Variants in GALNT13 observed in about 807,000 individuals in gnomAD.
GALNT13 encodes the protein UDP-GalNAc:polypeptide N-acetylgalactosaminyltransferase 13.
Under a neutral mutation model 64.2 loss-of-function variants are expected in GALNT13, and 28 were observed. The observed-to-expected ratio is 0.44, with a 90% CI of 0.32 to 0.60. GALNT13 has a LOEUF of 0.60. Ranked by LOEUF, GALNT13 falls within the 20% of genes least tolerant of loss-of-function variation. The probability of loss-of-function intolerance (pLI) is 0.05; values close to 1 mark genes in which losing one functional copy is unlikely to be tolerated. For missense variants in GALNT13, 577 were observed against 669.8 expected (o/e 0.86, Z 1.53); for synonymous variants, 214 against 224.6 (o/e 0.95, Z 0.42).
the GALNT13 span, among the ~76,000 whole-genome samples, chr2:153,240,494 G>A: frequency 6.6e-6 from 1 of 152,078 alleles, no homozygotes; most frequent in African/African-American, 2.4e-5. Flanking sequence ...TAGATCAGAG[G>A]CCAGTTGAAG....
At chr2:153,325,250 A>G in the GALNT13 span, among the ~76,000 whole-genome samples, 1 of 147,026 alleles carries the variant, frequency 6.8e-6, no homozygotes, top group East Asian at 2.0e-4. Context: ...CCAGGAATTT[A>G]TCCATTTCTT....
the GALNT13 span, among the ~76,000 whole-genome samples, chr2:153,702,865 A>G: frequency 6.6e-6 from 1 of 152,170 alleles, no homozygotes; most frequent in African/African-American, 2.4e-5. Flanking sequence ...ATGGTAATTA[A>G]AGGCATGAAA....
At chr2:153,385,864 A>AAGGAT in the GALNT13 span, among the ~76,000 whole-genome samples, 2 of 50,442 alleles carry the variant, frequency 4.0e-5, no homozygotes, top group African/African-American at 2.2e-4. Flanking sequence ...AATAAAAATT[A>AAGGAT]AAGATAAAAT....
chr2:154,430,668 A>G (rs972059735), intron 11 of GALNT13, among the ~76,000 whole-genome samples: 2 of 152,218 alleles, frequency 1.3e-5, no homozygotes, highest in Admixed American at 6.5e-5. Flanking sequence ...AAGTTCTACC[A>G]TGAGTAAAAT....
chr2:153,444,198 GACCT>G, the GALNT13 span, among the ~76,000 whole-genome samples: 15 of 151,812 alleles, frequency 9.9e-5, no homozygotes, highest in South Asian at 2.1e-4. Flanking sequence ...CCCACCCGCT[GACCT>G]ACCTACCTAC....
chr2:153,948,793 G>A (rs1457063026), intron 3 of GALNT13, among the ~76,000 whole-genome samples: 3 of 152,100 alleles, frequency 2.0e-5, no homozygotes, highest in African/African-American at 4.8e-5. Flanking sequence ...TTATAAGTGG[G>A]AGCTAAACAG....
intron 2 of GALNT13, among the ~76,000 whole-genome samples, chr2:153,907,843 A>T (rs1558846484): frequency 6.6e-6 from 1 of 152,024 alleles, no homozygotes; most frequent in Non-Finnish European, 1.5e-5. Context: ...TATCTTTGTC[A>T]TTGTGAATAG....
the GALNT13 span, among the ~76,000 whole-genome samples, chr2:153,488,113 G>T: frequency 1.3e-5 from 2 of 152,178 alleles, no homozygotes; most frequent in Non-Finnish European, 2.9e-5. Flanking sequence ...AACTCATTTT[G>T]TAATTCACTG....
chr2:153,223,994 ATAAC>A, the GALNT13 span, among the ~76,000 whole-genome samples: 1 of 152,072 alleles, frequency 6.6e-6, no homozygotes, highest in African/African-American at 2.4e-5. Flanking sequence ...AAATAAATAA[ATAAC>A]TAAAAATGTA....
At chr2:154,230,558 C>T (rs1688862512) in intron 4 of GALNT13, among the ~76,000 whole-genome samples, 2 of 151,982 alleles carry the variant, frequency 1.3e-5, no homozygotes, top group African/African-American at 4.8e-5. Context: ...TAGGTTATCT[C>T]CCTCATTTTT....
At chr2:153,082,598 TATATATATATATATATATATACACACAC>T in the GALNT13 span, among the ~76,000 whole-genome samples, 6 of 46,332 alleles carry the variant, frequency 1.3e-4, no homozygotes, top group African/African-American at 5.5e-4. Flanking sequence ...TATATATATA[TATATATATATATATATATATACACACAC>T]ACACACACAC....
intron 8 of GALNT13, among the ~76,000 whole-genome samples, chr2:154,287,947 G>T (rs564300691): frequency 6.6e-6 from 1 of 152,184 alleles, no homozygotes; most frequent in African/African-American, 2.4e-5. Flanking sequence ...GGAGATTCTA[G>T]GTGCCTCAAA....
At chr2:154,170,319 C>T (rs1006455901) in intron 4 of GALNT13, among the ~76,000 whole-genome samples, 37 of 152,074 alleles carry the variant, frequency 2.4e-4, no homozygotes, top group African/African-American at 8.5e-4. Flanking sequence ...AGAAATAATG[C>T]TTTTCCAGCT....
At chr2:154,348,269 C>T (rs1256978870) in intron 9 of GALNT13, among the ~76,000 whole-genome samples, 1 of 151,994 alleles carries the variant, frequency 6.6e-6, no homozygotes, top group African/African-American at 2.4e-5. Context: ...AAATGACTTC[C>T]CAGTCATTTG....
chr2:153,285,530 G>A, the GALNT13 span, among the ~76,000 whole-genome samples: 5 of 152,152 alleles, frequency 3.3e-5, no homozygotes, highest in Admixed American at 3.3e-4. Flanking sequence ...ACAGGTCAGA[G>A]TAGAAGAAAA....
At chr2:153,220,952 T>C in the GALNT13 span, among the ~76,000 whole-genome samples, 1 of 151,956 alleles carries the variant, frequency 6.6e-6, no homozygotes, top group Non-Finnish European at 1.5e-5. Context: ...CATGGACACA[T>C]AGAGGGAAAC....
chr2:153,781,118 A>G, the GALNT13 span, among the ~76,000 whole-genome samples: 12 of 152,328 alleles, frequency 7.9e-5, no homozygotes, highest in East Asian at 2.1e-3. Flanking sequence ...CAGAGGGAAC[A>G]TCATATGCAA....
At chr2:153,576,310 AGTT>A in the GALNT13 span, among the ~76,000 whole-genome samples, 869 of 152,212 alleles carry the variant, frequency 5.7e-3, 11 homozygotes, top group Admixed American at 0.018. Context: ...CTGCGGGCCC[AGTT>A]CAACACTAGG....
intron 2 of GALNT13, among the ~76,000 whole-genome samples, chr2:153,939,229 A>G (rs1691166291): frequency 1.3e-5 from 2 of 152,174 alleles, no homozygotes; most frequent in South Asian, 4.1e-4. Flanking sequence ...TGAAGGAAAC[A>G]AGAGCAGGGA....
Sources: gnomAD v4.1 joint callset for allele counts (sites outside exome capture counted in the v4.1 genomes callset) on GRCh38, gnomAD v4.1.1 for gene constraint, MANE v1.5 for transcripts, NCBI Gene and HGNC (gene_info 2026-07-23, HGNC 2026-07-21) for gene names.